Variants in DSCAM observed in about 807,000 individuals in gnomAD.
DSCAM encodes cell adhesion molecule DSCAM.
In DSCAM, 47 loss-of-function variants were observed where a neutral mutation model predicts 217.7. That is an observed-to-expected ratio of 0.22 (90% CI 0.17 to 0.28). The LOEUF (loss-of-function observed/expected upper bound fraction) is 0.28, where lower values mean the gene tolerates loss of function less well. DSCAM is among the 10% of genes least tolerant of loss of function. The pLI is 1.00. For synonymous variants in DSCAM, 1,056 were observed against 1,015.3 expected, an observed-to-expected ratio of 1.04 and a Z score of -0.76; for missense variants, 2,080 against 2,618.3, an observed-to-expected ratio of 0.79 and a Z score of 4.49.
chr21:40,198,792 C>A lies in DSCAM; in HGVS notation c.2357-9554G>T, dbSNP rs1488730773. Among the ~76,000 whole-genome samples, 3 of 152,206 alleles carry A rather than the reference C, an allele frequency of 2.0e-5. No individual in the cohort carries two copies. The East Asian group carries it at 5.8e-4, about 29-fold the overall frequency. On this transcript the variant is annotated intron_variant, in intron 11 of 32. Coordinates refer to ENST00000400454, the MANE Select transcript of DSCAM (RefSeq NM_001389.5). The stretch of plus-strand genomic sequence containing the variant: ...GACATGGGAGCTGTGGCTCCACATA[C>A]CCTGTTCATGCTCCATTGTCACACT...
chr21:40,521,724 G>C (rs1010851440), intron 3 of DSCAM, among the ~76,000 whole-genome samples: 1 of 152,130 alleles, frequency 6.6e-6, no homozygotes, highest in African/African-American at 2.4e-5. Context: ...TAGGGAGATG[G>C]GGAGTGGAGG....
chr21:40,555,069 T>C (rs938866147), intron 3 of DSCAM, among the ~76,000 whole-genome samples: 6 of 152,340 alleles, frequency 3.9e-5, no homozygotes, highest in African/African-American at 1.4e-4. Context: ...TATTTTATAT[T>C]TCAAAAATCT....
rs780994574 is a variant in DSCAM at position 40,339,285 on chromosome 21, A to G, written c.1341T>C (p.Ile447=). ...TGATGCGGTGACTGCCACCCTTGAG[A>G]ATCGGGTCATCGTCCAGGGTCCACG... ...TITWTLDDDP[I]LKGGSHRISQ... is the part of the protein sequence containing the mutation. The change falls in exon 7 of 33, where the codon ATT becomes ATC. Residue 447 remains isoleucine, a synonymous_variant. Coordinates refer to ENST00000400454, the MANE Select transcript of DSCAM (RefSeq NM_001389.5). 1.9e-6 allele frequency: 3 copies of G among 1,614,128 alleles called. No homozygotes were observed. The highest frequency in any genetic ancestry group is 2.5e-6 in the Non-Finnish European group (3 of 1,180,024).
chr21:40,277,147 C>T (rs1335640887), intron 10 of DSCAM, among the ~76,000 whole-genome samples: 1 of 152,062 alleles, frequency 6.6e-6, no homozygotes, highest in East Asian at 1.9e-4. Flanking sequence ...CATTTTTCTT[C>T]TCTGGCCTGA....
chr21:40,368,541 C>T (rs1555910292), intron 4 of DSCAM, among the ~76,000 whole-genome samples: 2 of 152,164 alleles, frequency 1.3e-5, no homozygotes, highest in Non-Finnish European at 2.9e-5. Flanking sequence ...TTATCAAGGA[C>T]AAAAAGTGGG....
chr21:40,337,311 T>C (rs1018179758), intron 8 of DSCAM, among the ~76,000 whole-genome samples: 2 of 152,176 alleles, frequency 1.3e-5, no homozygotes, highest in Non-Finnish European at 2.9e-5. Flanking sequence ...GTTTCGGAAA[T>C]AGTTTTATAA....
chr21:40,131,011 G>T (rs2090149401), intron 19 of DSCAM, among the ~76,000 whole-genome samples: 1 of 152,210 alleles, frequency 6.6e-6, no homozygotes, highest in Non-Finnish European at 1.5e-5. Flanking sequence ...GATAAACGCT[G>T]AAACTTCAAC....
At chr21:40,129,946 T>C (rs1281811490) in intron 19 of DSCAM, among the ~76,000 whole-genome samples, 1 of 152,158 alleles carries the variant, frequency 6.6e-6, no homozygotes, top group Non-Finnish European at 1.5e-5. Flanking sequence ...TAGCTCTACT[T>C]TCAGATCTCC....
At chr21:40,216,687 T>A (rs1417276873) in intron 11 of DSCAM, among the ~76,000 whole-genome samples, 1 of 152,236 alleles carries the variant, frequency 6.6e-6, no homozygotes, top group Non-Finnish European at 1.5e-5. Flanking sequence ...GAGCAGATTT[T>A]GCACCTGGCA....
chr21:40,596,955 T>C (rs917977905), intron 3 of DSCAM, among the ~76,000 whole-genome samples: 1 of 152,112 alleles, frequency 6.6e-6, no homozygotes, highest in African/African-American at 2.4e-5. Flanking sequence ...ATATTAAAAA[T>C]AAAATAAACA....
chr21:40,702,333 C>T (rs1055140119), intron 2 of DSCAM, among the ~76,000 whole-genome samples: 1 of 152,064 alleles, frequency 6.6e-6, no homozygotes, highest in Admixed American at 6.5e-5. Flanking sequence ...TGTATAAATA[C>T]GAGCTTATTG....
At chr21:40,492,326 G>C (rs1202410041) in intron 3 of DSCAM, among the ~76,000 whole-genome samples, 2 of 152,094 alleles carry the variant, frequency 1.3e-5, no homozygotes, top group Non-Finnish European at 2.9e-5. Context: ...AGAACTAATT[G>C]AGAACAGGCT....
chr21:40,826,404 G>A (rs1486662758), intron 1 of DSCAM, among the ~76,000 whole-genome samples: 1 of 152,244 alleles, frequency 6.6e-6, no homozygotes, highest in Non-Finnish European at 1.5e-5. Context: ...CATGGAAGGG[G>A]TTTGAGGTGT....
intron 11 of DSCAM, among the ~76,000 whole-genome samples, chr21:40,266,725 CTT>C (rs1491185039): frequency 9.3e-6 from 1 of 107,922 alleles, no homozygotes; most frequent in Admixed American, 1.0e-4. Flanking sequence ...TCTTGTATAT[CTT>C]GTGTGTATAT....
chr21:40,652,225 C>T (rs9975719), intron 3 of DSCAM, among the ~76,000 whole-genome samples: 132,354 of 151,052 alleles, frequency 0.88, 58,116 homozygotes, highest in East Asian at 0.95. Flanking sequence ...ACCTGGGTCA[C>T]GGAATGATCT....
intron 3 of DSCAM, among the ~76,000 whole-genome samples, chr21:40,484,758 T>G (rs985663370): frequency 1.3e-5 from 2 of 152,220 alleles, no homozygotes; most frequent in Non-Finnish European, 2.9e-5. Flanking sequence ...GACATAAGTC[T>G]GCTGTGGTTA....
chr21:40,289,081 ACTT>A (rs1356304154), intron 10 of DSCAM, among the ~76,000 whole-genome samples: 4 of 152,250 alleles, frequency 2.6e-5, no homozygotes, highest in South Asian at 2.1e-4. Context: ...ATAAACCAGC[ACTT>A]CTTCTCTTCC....
chr21:40,158,106 A>T (rs1033343), intron 16 of DSCAM, among the ~76,000 whole-genome samples: 97,888 of 152,074 alleles, frequency 0.64, 32,119 homozygotes, highest in South Asian at 0.74. Flanking sequence ...TTGTCTGGGC[A>T]AGGCACAGTG....
At chr21:40,070,569 T>C (rs1360474657) in intron 27 of DSCAM, among the ~76,000 whole-genome samples, 1 of 152,214 alleles carries the variant, frequency 6.6e-6, no homozygotes, top group Admixed American at 6.5e-5. Context: ...GCATTAACAA[T>C]GTGGGCTTCC....
Sources: allele counts gnomAD v4.1 joint callset (sites outside exome capture counted in the v4.1 genomes callset), GRCh38; gene constraint gnomAD v4.1.1; transcripts MANE v1.5; gene names NCBI Gene and HGNC (gene_info 2026-07-23, HGNC 2026-07-21).